Variants in VWF observed in about 807,000 individuals in gnomAD.
VWF encodes Factor VIII related antigen.
VWF carries 176 observed loss-of-function variants against 308.6 expected under a neutral mutation model. The observed-to-expected ratio is 0.57, with a 90% CI of 0.50 to 0.65. The LOEUF (loss-of-function observed/expected upper bound fraction) is 0.65. VWF is among the 30% of genes least tolerant of loss of function. The pLI, the probability that VWF is intolerant of heterozygous loss-of-function variation, is 0.00. For synonymous variants in VWF, 1,385 were observed against 1,443.4 expected (o/e 0.96, Z 0.92); for missense variants, 3,146 against 3,648.2 (o/e 0.86, Z 3.55).
chr12:6,113,399 G>A (rs1045082299), intron 3 of VWF, among the ~76,000 whole-genome samples: 12 of 150,816 alleles, frequency 8.0e-5, no homozygotes, highest in Non-Finnish European at 1.6e-4. Flanking sequence ...CCGGGTTCAC[G>A]CCATTCTCCT....
intron 3 of VWF, among the ~76,000 whole-genome samples, chr12:6,119,115 T>A (rs566580626): frequency 6.6e-6 from 1 of 152,344 alleles, no homozygotes; most frequent in South Asian, 2.1e-4. Flanking sequence ...CAAGACCCTA[T>A]ACTAGTTCCT....
intron 34 of VWF, among the ~76,000 whole-genome samples, chr12:6,000,880 A>C (rs1036178343): frequency 6.6e-6 from 1 of 152,100 alleles, no homozygotes; most frequent in East Asian, 1.9e-4. Context: ...ATGACTAGGA[A>C]ATGTTAACAA....
intron 32 of VWF, among the ~76,000 whole-genome samples, chr12:6,012,844 G>A (rs998787263): frequency 6.6e-5 from 10 of 151,858 alleles, no homozygotes; most frequent in African/African-American, 2.4e-4. Flanking sequence ...TGGTACTACA[G>A]GTGCCCGCCA....
At chr12:5,950,341 A>AAGAGGTC (rs1943172575) in intron 50 of VWF, among the ~76,000 whole-genome samples, 1 of 152,028 alleles carries the variant, frequency 6.6e-6, no homozygotes, top group Non-Finnish European at 1.5e-5. Flanking sequence ...GTAAGGGCAT[A>AAGAGGTC]CCCTGCCTCT....
At chr12:6,110,763 C>T in intron 4 of VWF, 103 bp downstream of exon 4, 1 of 1,393,756 alleles carries the variant, frequency 7.2e-7, no homozygotes, top group Non-Finnish European at 1.0e-6. Context: ...TTCCTTGGAA[C>T]ATTTGCTTCC....
At chr12:6,112,819 G>GACAC in intron 3 of VWF, among the ~76,000 whole-genome samples, 1 of 141,254 alleles carries the variant, frequency 7.1e-6, no homozygotes, top group African/African-American at 3.1e-5. Context: ...CACACACACA[G>GACAC]ACACACAGAC....
intron 34 of VWF, among the ~76,000 whole-genome samples, chr12:6,004,573 AAAAAAG>A (rs1208972985): frequency 1.3e-5 from 2 of 152,102 alleles, no homozygotes; most frequent in African/African-American, 4.8e-5. Context: ...AAAAATTGAC[AAAAAAG>A]AAAAACAATT....
chr12:6,093,437 T>C (rs1009715123), intron 6 of VWF, among the ~76,000 whole-genome samples: 4 of 152,186 alleles, frequency 2.6e-5, no homozygotes, highest in Non-Finnish European at 2.9e-5. Context: ...GCTGAAGCTC[T>C]ATCAGTGCTA....
chr12:6,029,726 A>G (rs555939918), intron 21 of VWF, among the ~76,000 whole-genome samples: 2 of 152,318 alleles, frequency 1.3e-5, no homozygotes, highest in Non-Finnish European at 2.9e-5. Flanking sequence ...ACGGTAACAG[A>G]GGTAGCAGCA....
chr12:6,094,919 T>C (rs1412999770), intron 6 of VWF, among the ~76,000 whole-genome samples: 1 of 145,088 alleles, frequency 6.9e-6, no homozygotes, highest in Non-Finnish European at 1.5e-5. Flanking sequence ...AGTCTCACTC[T>C]GTCGCCCAGG....
intron 5 of VWF, among the ~76,000 whole-genome samples, chr12:6,099,837 A>G (rs1198097535): frequency 2.6e-5 from 4 of 152,288 alleles, no homozygotes; most frequent in Middle Eastern, 3.4e-3. Flanking sequence ...CATGGGCAAG[A>G]ACTTCATGTC....
chr12:6,037,590 T>C (rs558955149), intron 18 of VWF, among the ~76,000 whole-genome samples: 1 of 152,182 alleles, frequency 6.6e-6, no homozygotes, highest in Non-Finnish European at 1.5e-5. Flanking sequence ...GAGCTCAACA[T>C]GCAGACACGC....
rs1431275793 is a variant in VWF at position 5,951,895 on chromosome 12, G to T, written c.8116-12C>A. ...TTCATAATTTTACCCTAAGAAAACAGCAAAATTTCAGGTTAGGCACAAACA... is the reference window on the plus strand; with the variant it reads ...TTCATAATTTTACCCTAAGAAAACATCAAAATTTCAGGTTAGGCACAAACA... On this transcript the variant is annotated splice_polypyrimidine_tract_variant and intron_variant, in intron 49 of 51. Transcript: ENST00000261405. 5 of 1,614,054 alleles carry T rather than the reference G, an allele frequency of 3.1e-6. No homozygotes were observed. In the African/African-American group the frequency reaches 6.7e-5, roughly 22 times the overall value.
intron 48 of VWF, among the ~76,000 whole-genome samples, chr12:5,953,086 G>A (rs1943211816): frequency 6.6e-6 from 1 of 152,150 alleles, no homozygotes; most frequent in Non-Finnish European, 1.5e-5. Flanking sequence ...AATTAGCTGG[G>A]TGTGGTGGCA....
intron 28 of VWF, among the ~76,000 whole-genome samples, 170 bp from the exon 29 acceptor site, chr12:6,017,040 G>C (rs779780284): frequency 6.6e-6 from 1 of 152,234 alleles, no homozygotes; most frequent in African/African-American, 2.4e-5. Context: ...CCAGGGAGGA[G>C]GGGATGGGGA....
intron 42 of VWF, among the ~76,000 whole-genome samples, chr12:5,980,615 G>C (rs1174874668): frequency 3.3e-5 from 5 of 152,188 alleles, no homozygotes; most frequent in Non-Finnish European, 7.3e-5. Context: ...ACGAGAAGGA[G>C]AACAGAGATA....
intron 47 of VWF, among the ~76,000 whole-genome samples, chr12:5,965,803 C>A (rs369687486): frequency 1.3e-5 from 2 of 152,134 alleles, no homozygotes; most frequent in African/African-American, 4.8e-5. Context: ...TGAGCTAGAA[C>A]GGGATCAGCA....
chr12:5,959,990 A>G (rs944382696), intron 47 of VWF, among the ~76,000 whole-genome samples: 1 of 149,982 alleles, frequency 6.7e-6, no homozygotes, highest in Non-Finnish European at 1.5e-5. Context: ...TCAATAAAAT[A>G]GAAAAGAAAA....
chr12:5,992,287 T>A (rs1447441537), intron 37 of VWF, among the ~76,000 whole-genome samples: 2 of 152,194 alleles, frequency 1.3e-5, no homozygotes, highest in African/African-American at 4.8e-5. Context: ...AAAGAAAGTA[T>A]AGTATCCCAT....
Sources: allele counts gnomAD v4.1 joint callset (sites outside exome capture counted in the v4.1 genomes callset), GRCh38; gene constraint gnomAD v4.1.1; transcripts MANE v1.5; gene names NCBI Gene and HGNC (gene_info 2026-07-23, HGNC 2026-07-21).